SSTR4: variants seen among roughly 807,000 people sequenced by gnomAD.
SSTR4 encodes somatostatin receptor type 4.
For missense variants in SSTR4, 649 were observed against 540.6 expected, an observed-to-expected ratio of 1.20 and a Z score of -1.99; for synonymous variants, 272 against 246.3, an observed-to-expected ratio of 1.10 and a Z score of -0.98.
chr20:23,036,242 G>C lies in SSTR4; in HGVS notation c.759G>C (p.Ser253=), dbSNP rs138321784. ...CTGGCTGGCAGCAGCGCAGGCGCTC[G>C]GAGAAGAAAATCACCAGGCTGGTGC... The part of the protein sequence containing the change: ...LRAGWQQRRR[S]EKKITRLVLM... Residue 253 remains serine (S), a synonymous_variant, in exon 1 of 1, where the codon TCG becomes TCC. Transcript: ENST00000255008. 5 of 1,614,000 alleles carry C rather than the reference G, an allele frequency of 3.1e-6. No individual in the cohort carries two copies. The East Asian group carries it at 1.1e-4, about 36-fold the overall frequency.
rs1326301271 is a variant in SSTR4, at chr20:23,037,274, AG to A, written c.*625del. The A allele has an allele frequency of 6.6e-6, 1 of 151,588 alleles. No individual in the cohort carries two copies. Among genetic ancestry groups the A allele is most frequent in the Non-Finnish European group, 1.5e-5 (1 of 68,094 alleles). The allele number at this position is 151,588 out of a possible 1,614,324, so 9.4% of individuals were successfully genotyped here. A position where few individuals can be genotyped will look rare whatever the true frequency, so the allele number is the denominator to read the frequency against. On this transcript the variant is annotated 3_prime_UTR_variant, in exon 1 of 1. Transcript: ENST00000255008. ...AGCTGGGAGCAGTCTTCCTGTGAGT[AG>A]AAAAGGTTTGGAGAGACATGACATG...
In SSTR4 at chr20:23,036,626, C is replaced by T. The variant is rs1289554550; in HGVS notation, c.1143C>T (p.Pro381=). The part of the protein sequence containing the change: ...LQPEPGRKRI[P]LTRTTTF ...CAGAACCCGGCCGCAAGCGCATCCC[C>T]CTCACCAGGACCACCACCTTCTGAG... Residue 381 remains proline (P), a synonymous_variant, in exon 1 of 1, where the codon CCC becomes CCT. Coordinates refer to ENST00000255008, the MANE Select transcript of SSTR4 (RefSeq NM_001052.4). 1.3e-6 allele frequency: 2 copies of T among 1,561,812 alleles called. No homozygotes were observed. Among genetic ancestry groups the T allele is most frequent in the Non-Finnish European group, 1.7e-6 (2 of 1,154,898 alleles).
In SSTR4 at chr20:23,035,822, C is replaced by G; in HGVS notation, c.339C>G (p.Pro113=). 2 of 1,592,262 alleles carry G rather than the reference C, an allele frequency of 1.3e-6. No individual in the cohort carries two copies. Among genetic ancestry groups the G allele is most frequent in the Non-Finnish European group, 1.7e-6 (2 of 1,169,352 alleles). Residue 113 remains proline (P), a synonymous_variant, in exon 1 of 1, where the codon CCC becomes CCG. Coordinates refer to ENST00000255008, the MANE Select transcript of SSTR4 (RefSeq NM_001052.4). ...VASSAALRHW[P]FGSVLCRAVL... is the part of the protein sequence containing the mutation. ...CGTCGGCCGCCCTGCGCCACTGGCC[C>G]TTCGGCTCCGTGCTGTGCCGCGCGG...
At position 23,038,160 on chromosome 20, in the gene SSTR4, G is replaced by A. The variant is rs1984378037; in HGVS notation, c.*1510G>A. On this transcript the variant is annotated 3_prime_UTR_variant, in exon 1 of 1. Transcript: ENST00000255008. ...ATCTGAAGTCAGTCTCCATGTCTGT[G>A]GGTCTCGTGTAACCATAACTACTTG... 1 of 152,140 alleles carries A rather than the reference G, an allele frequency of 6.6e-6. No individual in the cohort carries two copies. Among genetic ancestry groups the A allele is most frequent in the South Asian group, 2.1e-4 (1 of 4,824 alleles). 9.4% of individuals were successfully genotyped at this position (152,140 alleles called of 1,614,324 possible).
Position 23,036,186 on chromosome 20 carries a change from G to T in SSTR4, c.703G>T (p.Val235Leu). ...CATTGGCCTGTGCTACCTGCTCATC[G>T]TGGGCAAGATGCGCGCCGTGGCCCT... ...LAIGLCYLLI[V>L]GKMRAVALRA... Residue 235 changes from valine (V) to leucine (L), a missense_variant, in exon 1 of 1, where the codon GTG becomes TTG. By Grantham distance (32) the Val-to-Leu change is conservative. Coordinates refer to ENST00000255008, the MANE Select transcript of SSTR4 (RefSeq NM_001052.4). 1 of 1,611,776 alleles carries T rather than the reference G, an allele frequency of 6.2e-7. No homozygotes were observed.
chr20:23,035,540 G>C lies in SSTR4; in HGVS notation c.57G>C (p.Trp19Cys), dbSNP rs756743684. The C allele has an allele frequency of 6.3e-7, 1 of 1,591,978 alleles. No individual in the cohort carries two copies. The highest frequency in any genetic ancestry group is 1.4e-5 in the African/African-American group (1 of 72,810). The change falls in exon 1 of 1, where the codon TGG (tryptophan) becomes TGC (cysteine). Residue 19 changes from tryptophan to cysteine, a missense_variant. Transcript: ENST00000255008. The part of the protein sequence containing the change: ...PGGEEGLGTA[W>C]PSAANASSAP... The stretch of plus-strand genomic sequence containing the variant: ...GCGAGGAAGGGCTGGGGACGGCCTG[G>C]CCCTCTGCAGCCAATGCCAGTAGCG...
In SSTR4 at chr20:23,035,775, C is replaced by T; in HGVS notation, c.292C>T (p.Leu98=). ...NLAVADELFM[L]SVPFVASSAA... is the part of the protein sequence containing the mutation. ...GGCCGTAGCCGACGAGCTCTTCATG[C>T]TGAGCGTGCCCTTCGTGGCCTCGTC... Residue 98 remains leucine (L), a synonymous_variant, in exon 1 of 1, where the codon CTG becomes TTG. Coordinates refer to ENST00000255008, the MANE Select transcript of SSTR4 (RefSeq NM_001052.4). 1 of 1,594,630 alleles carries T rather than the reference C, an allele frequency of 6.3e-7. No individual in the cohort carries two copies. Among genetic ancestry groups the T allele is most frequent in the Non-Finnish European group, 8.5e-7 (1 of 1,169,826 alleles).
At position 23,036,788 on chromosome 20, in the gene SSTR4, G is replaced by A. The variant is rs34471242; in HGVS notation, c.*138G>A. On this transcript the variant is annotated 3_prime_UTR_variant, in exon 1 of 1. Coordinates refer to ENST00000255008, the MANE Select transcript of SSTR4 (RefSeq NM_001052.4). ...CTTCCAGCAGCCCATGTACCTGCCG[G>A]AGAGTGTCAGAACTCTTCTGCTGCT... is the stretch of plus-strand genomic sequence containing the variant. 6.3e-4 allele frequency: 614 copies of A among 974,718 alleles called. 2 individuals carry two copies. In the African/African-American group the frequency reaches 9.1e-3, roughly 14 times the overall value. The allele number at this position is 974,718 out of a possible 1,614,324, so 60.4% of individuals were successfully genotyped here.
rs773284227 is a variant in SSTR4 at position 23,036,194 on chromosome 20, G to T, written c.711G>T (p.Lys237Asn). Residue 237 changes from lysine (K) to asparagine (N), a missense_variant, in exon 1 of 1, where the codon AAG becomes AAT. Physicochemically the swap from Lys to Asn is moderately conservative, Grantham distance 94. Coordinates refer to ENST00000255008, the MANE Select transcript of SSTR4 (RefSeq NM_001052.4). ...TGTGCTACCTGCTCATCGTGGGCAA[G>T]ATGCGCGCCGTGGCCCTGCGCGCTG... ...IGLCYLLIVG[K>N]MRAVALRAGW... 2 of 1,612,490 alleles carry T rather than the reference G, an allele frequency of 1.2e-6. No individual in the cohort carries two copies. Among genetic ancestry groups the T allele is most frequent in the Non-Finnish European group, 1.7e-6 (2 of 1,179,792 alleles).
At position 23,036,363 on chromosome 20, in the gene SSTR4, C is replaced by G. The variant is rs773962041; in HGVS notation, c.880C>G (p.His294Asp). 1.9e-6 allele frequency: 3 copies of G among 1,614,156 alleles called. No individual in the cohort carries two copies. In the East Asian group the frequency reaches 6.7e-5, roughly 36 times the overall value. ...GACCAGCCTTGATGCCACCGTCAAC[C>G]ACGTGTCCCTTATCCTTAGCTATGC... ...FVTSLDATVN[H>D]VSLILSYANS... The change falls in exon 1 of 1, where the codon CAC (histidine) becomes GAC (aspartate). Residue 294 changes from histidine (H) to aspartate (D), a missense_variant. By Grantham distance (81) the His-to-Asp change is moderately conservative (BLOSUM62 -1). Coordinates refer to ENST00000255008, the MANE Select transcript of SSTR4 (RefSeq NM_001052.4).
rs527717898 is a variant in SSTR4 at position 23,038,594 on chromosome 20, C to T, written c.*1944C>T. Among the ~76,000 whole-genome samples, 11 of 152,302 alleles carry T rather than the reference C, an allele frequency of 7.2e-5. No individual in the cohort carries two copies. The East Asian group carries it at 2.1e-3, about 29-fold the overall frequency. On this transcript the variant is annotated 3_prime_UTR_variant, in exon 1 of 1. Transcript: ENST00000255008. ...AGAAAAGTCTCTGAGAGGCAGGACA[C>T]CTCAGCCTCAGCTACCCCGTGAGCA...
In SSTR4 at chr20:23,038,338, A is replaced by C. The variant is rs1344787517; in HGVS notation, c.*1688A>C. ...GTTCACAGCACTGGCAGTGGTCCCC[A>C]GGGCTTCTTCCCAGCTTGTACGTGG... On this transcript the variant is annotated 3_prime_UTR_variant, in exon 1 of 1. Transcript: ENST00000255008. The C allele has an allele frequency of 6.6e-6, 1 of 152,244 alleles. No homozygotes were observed. The highest frequency in any genetic ancestry group is 2.4e-5 in the African/African-American group (1 of 41,428). The allele number at this position is 152,244 out of a possible 1,614,324, so 9.4% of individuals were successfully genotyped here.
chr20:23,035,544 T>C lies in SSTR4; in HGVS notation c.61T>C (p.Ser21Pro). 6.3e-7 allele frequency: 1 copy of C among 1,593,612 alleles called. No individual in the cohort carries two copies. The highest frequency in any genetic ancestry group is 8.5e-7 in the Non-Finnish European group (1 of 1,172,762). ...GGAAGGGCTGGGGACGGCCTGGCCC[T>C]CTGCAGCCAATGCCAGTAGCGCTCC... ...GEEGLGTAWPSAANASSAPAE... is the reference protein window; with the variant it reads ...GEEGLGTAWPPAANASSAPAE... Residue 21 changes from serine to proline, a missense_variant, in exon 1 of 1, where the codon TCT (serine) becomes CCT (proline). Coordinates refer to ENST00000255008, the MANE Select transcript of SSTR4 (RefSeq NM_001052.4).
In SSTR4 at chr20:23,035,708, C is replaced by T. The variant is rs764351229; in HGVS notation, c.225C>T (p.Tyr75=). The change falls in exon 1 of 1, where the codon TAC becomes TAT. Residue 75 remains tyrosine (Y), a synonymous_variant. Coordinates refer to ENST00000255008, the MANE Select transcript of SSTR4 (RefSeq NM_001052.4). ...TGGTCATCTTCGTGATCCTTCGCTA[C>T]GCCAAGATGAAGACGGCTACCAACA... The part of the protein sequence containing the change: ...NALVIFVILR[Y]AKMKTATNIY... The T allele has an allele frequency of 6.4e-7, 1 of 1,558,890 alleles. No individual in the cohort carries two copies. Among genetic ancestry groups the T allele is most frequent in the Non-Finnish European group, 8.7e-7 (1 of 1,153,916 alleles).
rs1216887092 is a variant in SSTR4, at chr20:23,035,772, A to G, written c.289A>G (p.Met97Val). 1 of 1,595,248 alleles carries G rather than the reference A, an allele frequency of 6.3e-7. No homozygotes were observed. Among genetic ancestry groups the G allele is most frequent in the Admixed American group, 1.7e-5 (1 of 57,856 alleles). Residue 97 changes from methionine (M) to valine (V), a missense_variant, in exon 1 of 1, where the codon ATG (methionine) becomes GTG (valine). Physicochemically the swap from Met to Val is conservative, Grantham distance 21. Transcript: ENST00000255008. ...CCTGGCCGTAGCCGACGAGCTCTTC[A>G]TGCTGAGCGTGCCCTTCGTGGCCTC... The part of the protein sequence containing the change: ...LNLAVADELF[M>V]LSVPFVASSA...
In SSTR4 at chr20:23,035,552, C is replaced by T; in HGVS notation, c.69C>T (p.Ala23=). 6 of 1,594,710 alleles carry T rather than the reference C, an allele frequency of 3.8e-6. No individual in the cohort carries two copies. Among genetic ancestry groups the T allele is most frequent in the Non-Finnish European group, 5.1e-6 (6 of 1,173,026 alleles). The stretch of plus-strand genomic sequence containing the variant: ...TGGGGACGGCCTGGCCCTCTGCAGC[C>T]AATGCCAGTAGCGCTCCGGCGGAGG... ...EGLGTAWPSA[A]NASSAPAEAE... is the part of the protein sequence containing the mutation. Residue 23 remains alanine (A), a synonymous_variant, in exon 1 of 1, where the codon GCC becomes GCT. Coordinates refer to ENST00000255008, the MANE Select transcript of SSTR4 (RefSeq NM_001052.4).
Position 23,035,337 on chromosome 20 carries a change from G to A in SSTR4, c.-147G>A. The A allele has an allele frequency of 1.8e-6, 1 of 569,768 alleles. No homozygotes were observed. Among genetic ancestry groups the A allele is most frequent in the South Asian group, 8.9e-5 (1 of 11,198 alleles). 35.3% of individuals were successfully genotyped at this position (569,768 alleles called of 1,614,324 possible). On this transcript the variant is annotated 5_prime_UTR_variant, in exon 1 of 1. Coordinates refer to ENST00000255008, the MANE Select transcript of SSTR4 (RefSeq NM_001052.4). ...GGGCGCGCGGCGCGGGGATTGGCGG[G>A]CGCTCCCCGGTGCCCGCAGCTCTTC... is the stretch of plus-strand genomic sequence containing the variant.
rs746947855 is a variant in SSTR4 at position 23,036,679 on chromosome 20, G to A, written c.*29G>A. 2 of 1,522,882 alleles carry A rather than the reference G, an allele frequency of 1.3e-6. No individual in the cohort carries two copies. Among genetic ancestry groups the A allele is most frequent in the Non-Finnish European group, 1.8e-6 (2 of 1,136,996 alleles). 94.3% of individuals were successfully genotyped at this position (1,522,882 alleles called of 1,614,324 possible). A position where few individuals can be genotyped will look rare whatever the true frequency, so the allele number is the denominator to read the frequency against. On this transcript the variant is annotated 3_prime_UTR_variant, in exon 1 of 1. Coordinates refer to ENST00000255008, the MANE Select transcript of SSTR4 (RefSeq NM_001052.4). ...GCCCTTCCCCTACCCACCCTGCGTGGCCACCTCCCAAGGGGTGGGCACCAT... is the reference window on the plus strand; with the variant it reads ...GCCCTTCCCCTACCCACCCTGCGTGACCACCTCCCAAGGGGTGGGCACCAT...
rs1378802792 is a variant in SSTR4, at chr20:23,038,497, T to A, written c.*1847T>A. 2.0e-5 allele frequency among the ~76,000 whole-genome samples: 3 copies of A among 152,168 alleles called. No individual in the cohort carries two copies. The highest frequency in any genetic ancestry group is 4.4e-5 in the Non-Finnish European group (3 of 68,034). On this transcript the variant is annotated 3_prime_UTR_variant, in exon 1 of 1. Transcript: ENST00000255008. ...CAGATTAGCATGGAATAAGACACATTCTATTTAGAAATGTCAGCCTTTTTA... is the reference window on the plus strand; with the variant it reads ...CAGATTAGCATGGAATAAGACACATACTATTTAGAAATGTCAGCCTTTTTA...
Sources: gnomAD v4.1 joint callset for allele counts (sites outside exome capture counted in the v4.1 genomes callset) on GRCh38, gnomAD v4.1.1 for gene constraint, MANE v1.5 for transcripts, NCBI Gene and HGNC (gene_info 2026-07-23, HGNC 2026-07-21) for gene names.